Variants in GMDS observed in about 807,000 individuals in gnomAD.
GMDS encodes the protein GDP-mannose 4,6-dehydratase.
A neutral mutation model predicts 49.9 loss-of-function variants in GMDS; 20 were observed. That is an observed-to-expected ratio of 0.40 (90% CI 0.28 to 0.58). GMDS has a LOEUF of 0.58. GMDS is among the 20% of genes least tolerant of loss of function. The pLI is 0.42. For synonymous variants in GMDS, 177 were observed against 178.6 expected, an observed-to-expected ratio of 0.99 and a Z score of 0.07; for missense variants, 362 against 481.4, an observed-to-expected ratio of 0.75 and a Z score of 2.32.
intron 7 of GMDS, among the ~76,000 whole-genome samples, chr6:1,895,893 C>T (rs1228557666): frequency 1.3e-5 from 2 of 152,158 alleles, no homozygotes; most frequent in African/African-American, 4.8e-5. Flanking sequence ...GCTTCTTCTC[C>T]TACTCCTTTC....
At chr6:1,991,986 C>G (rs575453602) in intron 4 of GMDS, among the ~76,000 whole-genome samples, 1 of 152,146 alleles carries the variant, frequency 6.6e-6, no homozygotes, top group African/African-American at 2.4e-5. Context: ...TCCCTAGATG[C>G]GAGGAAGAGG....
intron 1 of GMDS, among the ~76,000 whole-genome samples, chr6:2,128,187 T>TG (rs1775555493): frequency 6.6e-6 from 1 of 151,918 alleles, no homozygotes; most frequent in South Asian, 2.1e-4. Flanking sequence ...TTTTTTTTTT[T>TG]TTTTGAGACA....
At chr6:2,052,001 C>T (rs1770428120) in intron 4 of GMDS, among the ~76,000 whole-genome samples, 1 of 151,544 alleles carries the variant, frequency 6.6e-6, no homozygotes, top group Non-Finnish European at 1.5e-5. Flanking sequence ...CCTGTAATCC[C>T]AGCTACATGG....
intron 7 of GMDS, among the ~76,000 whole-genome samples, chr6:1,771,025 T>G (rs1420934133): frequency 6.6e-6 from 1 of 152,060 alleles, no homozygotes; most frequent in Admixed American, 6.5e-5. Context: ...ATAGGATATA[T>G]AAACAAACTA....
At chr6:2,175,316 C>A (rs1245888327) in intron 1 of GMDS, among the ~76,000 whole-genome samples, 3 of 152,076 alleles carry the variant, frequency 2.0e-5, no homozygotes, top group Admixed American at 6.5e-5. Context: ...CTTTAAAAGT[C>A]TCAGCAATTT....
intron 9 of GMDS, among the ~76,000 whole-genome samples, chr6:1,650,834 C>T (rs910638661): frequency 1.2e-4 from 18 of 152,194 alleles, no homozygotes; most frequent in Non-Finnish European, 2.1e-4. Context: ...CCTGCCTTGG[C>T]CTCCCAAACT....
intron 6 of GMDS, among the ~76,000 whole-genome samples, chr6:1,932,339 T>C (rs544444062): frequency 6.6e-6 from 1 of 152,252 alleles, no homozygotes; most frequent in South Asian, 2.1e-4. Context: ...TACCCCCATT[T>C]TGTACATGAA....
Position 2,115,772 on chromosome 6 carries a change from T to C in GMDS, c.344A>G (p.Lys115Arg), listed in dbSNP as rs1481500539. The C allele has an allele frequency of 6.6e-7, 1 of 1,517,192 alleles. No individual in the cohort carries two copies. Among genetic ancestry groups the C allele is most frequent in the Non-Finnish European group, 9.2e-7 (1 of 1,091,412 alleles). 94.0% of individuals were successfully genotyped at this position (1,517,192 alleles called of 1,614,324 possible). A position where few individuals can be genotyped will look rare whatever the true frequency, so the allele number is the denominator to read the frequency against. The stretch of plus-strand genomic sequence containing the variant: ...AGAAATCCCAATGAAAATGCTTACT[T>C]TGACGTGGCTCTGGGCTCCAAGGTT... Reference protein sequence around the residue: ...IYNLGAQSHVKISFDLAEYTA... With the variant: ...IYNLGAQSHVRISFDLAEYTA... Residue 115 changes from lysine (K) to arginine (R), a missense_variant and splice_region_variant, in exon 4 of 11, where the codon AAA (lysine) becomes AGA (arginine). Transcript: ENST00000380815.
intron 9 of GMDS, among the ~76,000 whole-genome samples, chr6:1,649,524 A>G (rs1763586924): frequency 6.6e-6 from 1 of 152,228 alleles, no homozygotes; most frequent in Non-Finnish European, 1.5e-5. Flanking sequence ...TACGCCATTA[A>G]AGCAAGAGTC....
intron 9 of GMDS, among the ~76,000 whole-genome samples, chr6:1,676,498 A>G (rs1190369369): frequency 1.3e-5 from 2 of 152,224 alleles, no homozygotes; most frequent in Non-Finnish European, 2.9e-5. Flanking sequence ...AAAAAGAACA[A>G]AGCTGGAGGC....
chr6:2,238,853 A>C (rs188449915), intron 1 of GMDS, among the ~76,000 whole-genome samples: 1 of 152,108 alleles, frequency 6.6e-6, no homozygotes, highest in Non-Finnish European at 1.5e-5. Flanking sequence ...TTAAAAAAAA[A>C]ATCGTTCCTC....
intron 6 of GMDS, among the ~76,000 whole-genome samples, chr6:1,958,560 G>A (rs1420774365): frequency 6.6e-6 from 1 of 152,128 alleles, no homozygotes; most frequent in Non-Finnish European, 1.5e-5. Flanking sequence ...TGTGATGACA[G>A]GCTAGGTTCT....
At chr6:1,704,302 G>C (rs1251738907) in intron 9 of GMDS, among the ~76,000 whole-genome samples, 1 of 151,502 alleles carries the variant, frequency 6.6e-6, no homozygotes, top group African/African-American at 2.4e-5. Context: ...GGGTGGGTGT[G>C]GGGGTAAGGC....
intron 7 of GMDS, among the ~76,000 whole-genome samples, chr6:1,831,702 G>A (rs6936206): frequency 0.017 from 2,647 of 152,166 alleles, 83 homozygotes; most frequent in African/African-American, 0.059. Context: ...CACCTGTAGG[G>A]ATTATTTATC....
chr6:1,718,357 G>A (rs1373773920), intron 9 of GMDS, among the ~76,000 whole-genome samples: 4 of 152,246 alleles, frequency 2.6e-5, no homozygotes, highest in South Asian at 2.1e-4. Context: ...AAGTCTTCTC[G>A]CTGGATCTCT....
At chr6:1,737,056 T>C (rs1767023783) in intron 8 of GMDS, among the ~76,000 whole-genome samples, 1 of 152,172 alleles carries the variant, frequency 6.6e-6, no homozygotes, top group Admixed American at 6.5e-5. Flanking sequence ...CAGTGTCAAA[T>C]GAAGGGAGCA....
chr6:2,096,976 T>A (rs750666843), intron 4 of GMDS, among the ~76,000 whole-genome samples: 53 of 152,244 alleles, frequency 3.5e-4, no homozygotes, highest in Admixed American at 7.8e-4. Context: ...GTTGTCTTTT[T>A]TATATAGTCA....
At chr6:2,222,789 T>C (rs1013658665) in intron 1 of GMDS, among the ~76,000 whole-genome samples, 4 of 152,104 alleles carry the variant, frequency 2.6e-5, no homozygotes, top group African/African-American at 9.7e-5. Context: ...AGTGAGGCAG[T>C]TAATTTTGTG....
chr6:1,815,258 G>C (rs1358552835), intron 7 of GMDS, among the ~76,000 whole-genome samples: 1 of 152,166 alleles, frequency 6.6e-6, no homozygotes, highest in Non-Finnish European at 1.5e-5. Context: ...GGCAGGCTTA[G>C]AGTCTCAATT....
Sources: gnomAD v4.1 joint callset for allele counts (sites outside exome capture counted in the v4.1 genomes callset) on GRCh38, gnomAD v4.1.1 for gene constraint, MANE v1.5 for transcripts, NCBI Gene and HGNC (gene_info 2026-07-23, HGNC 2026-07-21) for gene names.